Variants in MYO5B observed in about 807,000 individuals in gnomAD.
MYO5B encodes the protein unconventional myosin-Vb.
Under a neutral mutation model 229.3 loss-of-function variants are expected in MYO5B, and 143 were observed. The ratio of observed to expected loss-of-function variants is 0.62; its 90% CI spans 0.54 to 0.72. The LOEUF is 0.72. Among genes scored for constraint, MYO5B ranks in the 30% least tolerant of loss-of-function variants. MYO5B has a pLI of 0.00. For missense variants in MYO5B, 2,321 were observed against 2,331.0 expected (o/e 1.00, Z 0.09); for synonymous variants, 918 against 885.2 (o/e 1.04, Z -0.66).
At chr18:50,120,909 G>A (rs1255426128) in intron 1 of MYO5B, among the ~76,000 whole-genome samples, 1 of 152,110 alleles carries the variant, frequency 6.6e-6, no homozygotes, top group Non-Finnish European at 1.5e-5. Context: ...AATGTTTCAG[G>A]AGCTTCTAAG....
chr18:50,091,583 A>C (rs1395210703), intron 1 of MYO5B, among the ~76,000 whole-genome samples: 2 of 152,198 alleles, frequency 1.3e-5, no homozygotes, highest in East Asian at 3.8e-4. Flanking sequence ...GGTAGCCCCG[A>C]AACTTCAACC....
intron 1 of MYO5B, among the ~76,000 whole-genome samples, chr18:50,100,374 C>G (rs1329933771): frequency 6.6e-6 from 1 of 152,200 alleles, no homozygotes; most frequent in Non-Finnish European, 1.5e-5. Flanking sequence ...TTTTCAGACA[C>G]AAGACTCCCA....
chr18:49,849,954 C>T lies in MYO5B; in HGVS notation c.4222-294G>A, dbSNP rs377144171. On this transcript the variant is annotated intron_variant, in intron 31 of 39. Transcript: ENST00000285039. ...AAGCCTCCCCAAGCCAAGCCTCCTC[C>T]GGTTGCCATGCCAACCCCCCAGGAG... 8.9e-4 allele frequency: 389 copies of T among 436,480 alleles called. 2 individuals are homozygous for T. The highest frequency in any genetic ancestry group is 5.4e-3 in the East Asian group (111 of 20,440). The allele number at this position is 436,480 out of a possible 1,614,324, so 27.0% of individuals were successfully genotyped here. A position where few individuals can be genotyped will look rare whatever the true frequency, so the allele number is the denominator to read the frequency against.
At chr18:50,118,787 G>A (rs2032010628) in intron 1 of MYO5B, among the ~76,000 whole-genome samples, 1 of 152,100 alleles carries the variant, frequency 6.6e-6, no homozygotes, top group African/African-American at 2.4e-5. Context: ...ACTATGCCTG[G>A]CTAATTTTTT....
intron 29 of MYO5B, among the ~76,000 whole-genome samples, chr18:49,861,492 G>A (rs950698541): frequency 3.3e-5 from 5 of 152,178 alleles, no homozygotes; most frequent in African/African-American, 1.2e-4. Flanking sequence ...TTCAACCCAA[G>A]ATAATTTAAA....
intron 20 of MYO5B, 90 bp downstream of exon 20, chr18:49,904,582 G>A (rs1568025148): frequency 6.5e-7 from 1 of 1,541,904 alleles, no homozygotes; most frequent in Non-Finnish European, 9.0e-7. Context: ...AGTTGGGAGT[G>A]CTTGACAGAG....
intron 5 of MYO5B, among the ~76,000 whole-genome samples, chr18:49,997,158 C>T (rs756232181): frequency 3.3e-5 from 5 of 151,116 alleles, no homozygotes; most frequent in Non-Finnish European, 7.4e-5. Context: ...GTCCCAGCTA[C>T]TCTGAAGGCT....
chr18:49,887,493 T>C (rs1044268714), intron 22 of MYO5B, among the ~76,000 whole-genome samples: 1 of 152,032 alleles, frequency 6.6e-6, no homozygotes, highest in East Asian at 1.9e-4. Context: ...TTTAAAAACA[T>C]GTGGCACCTC....
chr18:50,068,012 C>T (rs2030864186), intron 1 of MYO5B, among the ~76,000 whole-genome samples: 1 of 148,046 alleles, frequency 6.8e-6, no homozygotes. Context: ...CATATATACA[C>T]ACACGTACAT....
intron 4 of MYO5B, among the ~76,000 whole-genome samples, chr18:50,005,030 G>A (rs2144332671): frequency 6.6e-6 from 1 of 152,294 alleles, no homozygotes; most frequent in South Asian, 2.1e-4. Flanking sequence ...GATCCCTGAA[G>A]CCCAAGCTCT....
chr18:50,137,910 A>G (rs2032359406), intron 1 of MYO5B, among the ~76,000 whole-genome samples: 1 of 152,226 alleles, frequency 6.6e-6, no homozygotes, highest in African/African-American at 2.4e-5. Context: ...GTTCTCACTT[A>G]TAAATGGGAA....
At chr18:49,898,263 A>G (rs572057004) in intron 21 of MYO5B, among the ~76,000 whole-genome samples, 19 of 152,346 alleles carry the variant, frequency 1.2e-4, no homozygotes, top group African/African-American at 4.6e-4. Flanking sequence ...CATATAACGA[A>G]TTTAACATAT....
intron 1 of MYO5B, among the ~76,000 whole-genome samples, chr18:50,180,800 A>G (rs1021568245): frequency 6.6e-6 from 1 of 152,240 alleles, no homozygotes; most frequent in Non-Finnish European, 1.5e-5. Flanking sequence ...TATTTCACTT[A>G]GCAAAATGCC....
chr18:49,862,494 T>C (rs1436391787), intron 29 of MYO5B, among the ~76,000 whole-genome samples: 2 of 152,142 alleles, frequency 1.3e-5, no homozygotes, highest in Non-Finnish European at 2.9e-5. Context: ...AGTTCACAGA[T>C]GAGGCAACTG....
chr18:50,045,989 G>C (rs945012916), intron 2 of MYO5B, among the ~76,000 whole-genome samples: 25 of 152,296 alleles, frequency 1.6e-4, no homozygotes, highest in African/African-American at 6.0e-4. Flanking sequence ...ATAAAAACAT[G>C]TTTGAATGAC....
At chr18:49,890,208 A>G (rs2024693279) in intron 22 of MYO5B, among the ~76,000 whole-genome samples, 1 of 152,240 alleles carries the variant, frequency 6.6e-6, no homozygotes, top group African/African-American at 2.4e-5. Flanking sequence ...CACAGCAGGT[A>G]ACAAACTTCT....
intron 1 of MYO5B, among the ~76,000 whole-genome samples, chr18:50,091,690 C>G (rs1395890361): frequency 1.3e-5 from 2 of 152,190 alleles, no homozygotes; most frequent in South Asian, 2.1e-4. Context: ...TGTTTATCAA[C>G]TGAGCCACCT....
At chr18:50,089,385 G>GA (rs1005541051) in intron 1 of MYO5B, among the ~76,000 whole-genome samples, 7 of 150,088 alleles carry the variant, frequency 4.7e-5, no homozygotes, top group South Asian at 2.1e-4. Context: ...CTCAAAAAAG[G>GA]AAAAAAAAAG....
At chr18:49,893,161 C>T (rs867640954) in intron 22 of MYO5B, among the ~76,000 whole-genome samples, 7 of 152,116 alleles carry the variant, frequency 4.6e-5, no homozygotes, top group Admixed American at 1.3e-4. Flanking sequence ...AGCAGGGACG[C>T]GGGGCTGGGA....
Sources: allele counts gnomAD v4.1 joint callset (sites outside exome capture counted in the v4.1 genomes callset), GRCh38; gene constraint gnomAD v4.1.1; transcripts MANE v1.5; gene names NCBI Gene and HGNC (gene_info 2026-07-23, HGNC 2026-07-21).